Variants in HS3ST4 observed in about 807,000 individuals in gnomAD.
The protein encoded by HS3ST4 is heparan sulfate-glucosamine 3-sulfotransferase 4.
A neutral mutation model predicts 29.2 loss-of-function variants in HS3ST4; 17 were observed. The observed-to-expected ratio is 0.58, with a 90% CI of 0.40 to 0.87. The LOEUF is 0.87. Ranked by LOEUF, HS3ST4 falls within the 40% of genes least tolerant of loss-of-function variation. The pLI, the probability that HS3ST4 is intolerant of heterozygous loss-of-function variation, is 0.00. For missense variants in HS3ST4, 627 were observed against 634.5 expected (o/e 0.99, Z 0.13); for synonymous variants, 314 against 285.7 (o/e 1.10, Z -1.00).
chr16:26,044,445 T>C (rs1340047715), intron 1 of HS3ST4, among the ~76,000 whole-genome samples: 3 of 152,250 alleles, frequency 2.0e-5, no homozygotes, highest in South Asian at 2.1e-4. Flanking sequence ...ACTATGAAGG[T>C]TGGCGGAGCT....
At chr16:25,788,415 C>A (rs375933611) in intron 1 of HS3ST4, among the ~76,000 whole-genome samples, 53 of 143,066 alleles carry the variant, frequency 3.7e-4, no homozygotes, top group South Asian at 6.8e-4. Context: ...AATTCTGTCT[C>A]AAAAAAAAAA....
chr16:26,101,947 C>G (rs1331872881), intron 1 of HS3ST4, among the ~76,000 whole-genome samples: 1 of 152,118 alleles, frequency 6.6e-6, no homozygotes, highest in Admixed American at 6.6e-5. Context: ...ACAAAAGGTT[C>G]TTAGGTGGCC....
At chr16:25,872,900 TGTTTTGTTTC>T (rs1967770032) in intron 1 of HS3ST4, among the ~76,000 whole-genome samples, 1 of 123,346 alleles carries the variant, frequency 8.1e-6, no homozygotes, top group African/African-American at 2.9e-5. Flanking sequence ...TGTTTTGTTT[TGTTTTGTTTC>T]GTTTTGCCAG....
chr16:25,844,305 G>A (rs1967443572), intron 1 of HS3ST4, among the ~76,000 whole-genome samples: 1 of 152,154 alleles, frequency 6.6e-6, no homozygotes, highest in African/African-American at 2.4e-5. Context: ...TTGGGATCAT[G>A]CATTCATTCA....
chr16:25,783,341 T>C (rs1966854354), intron 1 of HS3ST4, among the ~76,000 whole-genome samples: 1 of 152,202 alleles, frequency 6.6e-6, no homozygotes, highest in Non-Finnish European at 1.5e-5. Flanking sequence ...TATCTCTAGT[T>C]TTTGCAGTTA....
intron 1 of HS3ST4, among the ~76,000 whole-genome samples, chr16:25,880,556 A>G (rs1367514657): frequency 6.6e-6 from 1 of 152,122 alleles, no homozygotes; most frequent in Non-Finnish European, 1.5e-5. Context: ...ATCTTTTAAA[A>G]TCCCTTACAA....
At chr16:25,887,751 G>T (rs143293149) in intron 1 of HS3ST4, among the ~76,000 whole-genome samples, 1 of 138,624 alleles carries the variant, frequency 7.2e-6, no homozygotes, top group Non-Finnish European at 1.5e-5. Flanking sequence ...AGTCTGGAGT[G>T]CAGTGGTGCT....
At chr16:26,130,333 G>A (rs2141815535) in intron 1 of HS3ST4, among the ~76,000 whole-genome samples, 1 of 152,274 alleles carries the variant, frequency 6.6e-6, no homozygotes, top group Middle Eastern at 3.4e-3. Flanking sequence ...AGTCAGAAAC[G>A]CTGAACCCCA....
chr16:25,732,778 C>T (rs1966579338), intron 1 of HS3ST4, among the ~76,000 whole-genome samples: 1 of 152,210 alleles, frequency 6.6e-6, no homozygotes, highest in African/African-American at 2.4e-5. Context: ...CCTGTGTCTT[C>T]ATTGTCGGTT....
intron 1 of HS3ST4, among the ~76,000 whole-genome samples, chr16:25,838,094 T>G (rs1165902181): frequency 6.6e-6 from 1 of 152,238 alleles, no homozygotes; most frequent in Non-Finnish European, 1.5e-5. Context: ...ACCCCAACTC[T>G]GCAGCTTCTC....
intron 1 of HS3ST4, among the ~76,000 whole-genome samples, chr16:26,110,398 T>A (rs747972367): frequency 6.6e-6 from 1 of 152,214 alleles, no homozygotes; most frequent in Non-Finnish European, 1.5e-5. Flanking sequence ...AAACATACCA[T>A]GTGTGAAGCA....
At chr16:26,093,708 C>T (rs1898886321) in intron 1 of HS3ST4, among the ~76,000 whole-genome samples, 2 of 152,192 alleles carry the variant, frequency 1.3e-5, no homozygotes, top group African/African-American at 4.8e-5. Flanking sequence ...CTCTTCTCCT[C>T]CAAAGGATCG....
In HS3ST4 at chr16:26,133,228, G is replaced by A. The variant is rs147278428; in HGVS notation, c.735-2384G>A. ...TTAAAAAAATTCTGACATTGAACCG[G>A]CATGATCCCAAGTGATTTACCTGCA... On this transcript the variant is annotated intron_variant, in intron 1 of 1. Coordinates refer to ENST00000331351, the MANE Select transcript of HS3ST4 (RefSeq NM_006040.3). 5.1e-3 allele frequency among the ~76,000 whole-genome samples: 772 copies of A among 152,142 alleles called. 4 individuals are homozygous for A. The highest frequency in any genetic ancestry group is 0.018 in the African/African-American group (730 of 41,478).
chr16:25,906,846 AC>A (rs1374695066), intron 1 of HS3ST4, among the ~76,000 whole-genome samples: 3 of 152,190 alleles, frequency 2.0e-5, no homozygotes, highest in Non-Finnish European at 4.4e-5. Context: ...TAAACTGCCA[AC>A]AATTTTAGAT....
At chr16:25,916,053 A>C (rs1197983509) in intron 1 of HS3ST4, among the ~76,000 whole-genome samples, 2 of 152,228 alleles carry the variant, frequency 1.3e-5, no homozygotes, top group African/African-American at 4.8e-5. Context: ...GAGGAGGATA[A>C]GGGAAATTGT....
At chr16:25,838,650 T>C (rs1324139522) in intron 1 of HS3ST4, among the ~76,000 whole-genome samples, 1 of 152,156 alleles carries the variant, frequency 6.6e-6, no homozygotes, top group East Asian at 1.9e-4. Context: ...AGAACACCAG[T>C]CCCTTCTAAG....
chr16:26,135,387 A>T (rs986665736), intron 1 of HS3ST4, among the ~76,000 whole-genome samples: 6 of 152,170 alleles, frequency 3.9e-5, no homozygotes, highest in African/African-American at 1.4e-4. Flanking sequence ...AAACCTAGGG[A>T]TATATAAGGG....
chr16:25,741,365 T>TAAAAAAAAGAA (rs1966650805), intron 1 of HS3ST4, among the ~76,000 whole-genome samples: 2 of 66,194 alleles, frequency 3.0e-5, no homozygotes, highest in East Asian at 1.2e-3. Flanking sequence ...GAATTCAAGG[T>TAAAAAAAAGAA]AAAAAAAAAA....
At chr16:25,730,991 G>A (rs941691218) in intron 1 of HS3ST4, among the ~76,000 whole-genome samples, 8 of 152,166 alleles carry the variant, frequency 5.3e-5, no homozygotes, top group African/African-American at 1.4e-4. Flanking sequence ...TGGAGTCCAG[G>A]AGAAACCAGA....
Sources: gnomAD v4.1 joint callset for allele counts (sites outside exome capture counted in the v4.1 genomes callset) on GRCh38, gnomAD v4.1.1 for gene constraint, MANE v1.5 for transcripts, NCBI Gene and HGNC (gene_info 2026-07-23, HGNC 2026-07-21) for gene names.